The following TOX3 variants were observed in gnomAD, a reference collection of about 807,000 sequenced individuals.
TOX3 encodes the protein TOX high mobility group box family member 3.
Under a neutral mutation model 64.3 loss-of-function variants are expected in TOX3, and 22 were observed. The observed-to-expected ratio is 0.34, with a 90% CI of 0.24 to 0.49. The LOEUF (loss-of-function observed/expected upper bound fraction) is 0.49, where lower values mean the gene tolerates loss of function less well. Ranked by LOEUF, TOX3 falls within the 20% of genes least tolerant of loss-of-function variation. TOX3 has a pLI of 0.99. For missense variants in TOX3, 661 were observed against 714.4 expected (o/e 0.93, Z 0.85); for synonymous variants, 291 against 273.6 (o/e 1.06, Z -0.63).
chr16:52,546,832 T>G lies in TOX3; in HGVS notation c.-109A>C. On this transcript the variant is annotated 5_prime_UTR_variant, in exon 1 of 7. Coordinates refer to ENST00000219746, the MANE Select transcript of TOX3 (RefSeq NM_001080430.4). ...GTCGAGGGCGCCCGGGGGTGGCGCGTGGGACTCGCGGCCGGAGGGGCGCCG... is the reference window on the plus strand; with the variant it reads ...GTCGAGGGCGCCCGGGGGTGGCGCGGGGGACTCGCGGCCGGAGGGGCGCCG... The G allele has an allele frequency of 8.0e-7, 1 of 1,252,680 alleles. No individual in the cohort carries two copies. The highest frequency in any genetic ancestry group is 1.0e-6 in the Non-Finnish European group (1 of 999,140). The allele number at this position is 1,252,680 out of a possible 1,614,324, so 77.6% of individuals were successfully genotyped here. A position where few individuals can be genotyped will look rare whatever the true frequency, so the allele number is the denominator to read the frequency against.
chr16:52,531,558 A>G (rs1962851780), intron 1 of TOX3, among the ~76,000 whole-genome samples: 1 of 152,220 alleles, frequency 6.6e-6, no homozygotes, highest in Admixed American at 6.5e-5. Flanking sequence ...CTATGCATTT[A>G]TTGTATGGGT....
At chr16:52,480,649 C>T (rs1596811970) in intron 1 of TOX3, among the ~76,000 whole-genome samples, 1 of 152,334 alleles carries the variant, frequency 6.6e-6, no homozygotes. Flanking sequence ...ATAGTAAAAA[C>T]ATGTGCTCTC....
In TOX3 at chr16:52,444,301, G is replaced by A. The variant is rs2151741385; in HGVS notation, c.962C>T (p.Ala321Val). 6.3e-7 allele frequency: 1 copy of A among 1,586,954 alleles called. No homozygotes were observed. The highest frequency in any genetic ancestry group is 8.6e-7 in the Non-Finnish European group (1 of 1,164,508). Reference sequence around the variant, plus strand: ...CTTAGAAACGAGGCTGGCCCTGTATGCCGCCAGGGCCTTCAGGTATTCTTT... The same window carrying A: ...CTTAGAAACGAGGCTGGCCCTGTATACCGCCAGGGCCTTCAGGTATTCTTT... ...AKKEYLKALAAYRASLVSKAA... is the reference protein window; with the variant it reads ...AKKEYLKALAVYRASLVSKAA... Residue 321 changes from alanine (A) to valine (V), a missense_variant, in exon 6 of 7, where the codon GCA (alanine) becomes GTA (valine). Physicochemically the swap from Ala to Val is moderately conservative, Grantham distance 64. This residue lies in a region of TOX3 where 103 missense variants were observed against 161.2 expected (regional missense o/e 0.64). Transcript: ENST00000219746.
At chr16:52,486,057 A>G (rs1000605099) in intron 1 of TOX3, among the ~76,000 whole-genome samples, 1 of 152,202 alleles carries the variant, frequency 6.6e-6, no homozygotes, top group Non-Finnish European at 1.5e-5. Context: ...TCTGTCATTT[A>G]CCAGAAAAGT....
intron 1 of TOX3, among the ~76,000 whole-genome samples, chr16:52,513,328 T>C (rs149871507): frequency 1.9e-3 from 293 of 152,330 alleles, no homozygotes; most frequent in South Asian, 5.8e-3. Flanking sequence ...ATGTATGGTA[T>C]ATTCATCACA....
chr16:52,452,526 T>C (rs1960382992), intron 3 of TOX3, among the ~76,000 whole-genome samples: 1 of 151,618 alleles, frequency 6.6e-6, no homozygotes, highest in Admixed American at 6.6e-5. Context: ...TTTGCTATTG[T>C]TGTGGGGTGG....
rs761677560 is a variant in TOX3, at chr16:52,464,066, G to A, written c.276C>T (p.Ser92=). ...PDVLLPFQAL[S]DPLPSQGSEF... ...CACTTCCCTGGGAAGGCAATGGATC[G>A]CTGAGGGCTTGAAAGGGTAGCAGTA... Residue 92 remains serine, a synonymous_variant, in exon 3 of 7, where the codon AGC becomes AGT. Transcript: ENST00000219746. The A allele has an allele frequency of 6.2e-6, 10 of 1,603,840 alleles. No individual in the cohort carries two copies. Among genetic ancestry groups the A allele is most frequent in the Admixed American group, 1.7e-5 (1 of 57,984 alleles).
chr16:52,501,185 A>T (rs991155118), intron 1 of TOX3, among the ~76,000 whole-genome samples: 1 of 152,006 alleles, frequency 6.6e-6, no homozygotes, highest in Non-Finnish European at 1.5e-5. Context: ...CTACATGATG[A>T]TGATGCAGAC....
At chr16:52,524,111 T>C (rs1962671777) in intron 1 of TOX3, among the ~76,000 whole-genome samples, 1 of 152,240 alleles carries the variant, frequency 6.6e-6, no homozygotes, top group Non-Finnish European at 1.5e-5. Context: ...TAGAGCTGTT[T>C]ATCACAGTTG....
intron 1 of TOX3, among the ~76,000 whole-genome samples, chr16:52,529,410 C>G (rs1962800503): frequency 1.3e-5 from 2 of 152,004 alleles, no homozygotes; most frequent in South Asian, 4.2e-4. Context: ...GAATACTAGC[C>G]TGGACACTAT....
At position 52,439,953 on chromosome 16, in the gene TOX3, C is replaced by A; in HGVS notation, c.1003G>T (p.Ala335Ser). The change falls in exon 7 of 7, where the codon GCA (alanine) becomes TCA (serine). Residue 335 changes from alanine (A) to serine (S), a missense_variant. Physicochemically the swap from Ala to Ser is moderately conservative, Grantham distance 99 (BLOSUM62 1). Coordinates refer to ENST00000219746, the MANE Select transcript of TOX3 (RefSeq NM_001080430.4). ...ACAGAACGGATGGTCTGGGCTTCTG[C>A]TGACTCAGCAGCAGCCTGCATTTTG... ...SLVSKAAAES[A>S]EAQTIRSVQQ... The A allele has an allele frequency of 6.4e-7, 1 of 1,560,874 alleles. No homozygotes were observed. The highest frequency in any genetic ancestry group is 8.7e-7 in the Non-Finnish European group (1 of 1,152,266).
At chr16:52,451,843 A>T (rs1960360053) in intron 3 of TOX3, among the ~76,000 whole-genome samples, 2 of 152,146 alleles carry the variant, frequency 1.3e-5, no homozygotes, top group African/African-American at 4.8e-5. Flanking sequence ...ATGTGCATTG[A>T]CCTAGGGCAG....
At chr16:52,519,599 AAC>A in intron 1 of TOX3, 9 of 1,420,932 alleles carry the variant, frequency 6.3e-6, no homozygotes, top group African/African-American at 1.4e-5. Context: ...CGAAAAAAAA[AAC>A]AACATGGTTG....
chr16:52,493,423 T>C (rs1347635716), intron 1 of TOX3, among the ~76,000 whole-genome samples: 1 of 152,172 alleles, frequency 6.6e-6, no homozygotes, highest in East Asian at 1.9e-4. Flanking sequence ...AAAGTGGCAA[T>C]GGTGAATTCC....
At chr16:52,495,526 G>A (rs1466667215) in intron 1 of TOX3, among the ~76,000 whole-genome samples, 1 of 152,174 alleles carries the variant, frequency 6.6e-6, no homozygotes, top group Non-Finnish European at 1.5e-5. Context: ...CCTATTGGGG[G>A]AGTATTACTT....
intron 1 of TOX3, among the ~76,000 whole-genome samples, chr16:52,513,106 GA>G (rs1962354175): frequency 6.6e-6 from 1 of 152,088 alleles, no homozygotes; most frequent in African/African-American, 2.4e-5. Context: ...GGGAGCTTAA[GA>G]AAAAAGAAGT....
chr16:52,504,947 G>A (rs1346043600), intron 1 of TOX3, among the ~76,000 whole-genome samples: 1 of 152,102 alleles, frequency 6.6e-6, no homozygotes, highest in Non-Finnish European at 1.5e-5. Context: ...CGATTCTCCT[G>A]CCTCAGCCAC....
In TOX3 at chr16:52,525,807, T is replaced by C. The variant is rs576240873; in HGVS notation, c.87+20830A>G. ...TGCACTTTAATGGAAACCTGCCTAATGAACCCAAAAGGAAAACGATTAGGA... is the reference window on the plus strand; with the variant it reads ...TGCACTTTAATGGAAACCTGCCTAACGAACCCAAAAGGAAAACGATTAGGA... On this transcript the variant is annotated intron_variant, in intron 1 of 6. Transcript: ENST00000219746. 3.9e-5 allele frequency among the ~76,000 whole-genome samples: 6 copies of C among 152,286 alleles called. No homozygotes were observed. In the East Asian group the frequency reaches 1.2e-3, roughly 29 times the overall value.
At chr16:52,497,423 T>C (rs1476285854) in intron 1 of TOX3, among the ~76,000 whole-genome samples, 4 of 152,238 alleles carry the variant, frequency 2.6e-5, no homozygotes, top group Admixed American at 6.5e-5. Context: ...GCAGAGGTTA[T>C]TGTCTAATTT....
Sources: allele counts gnomAD v4.1 joint callset (sites outside exome capture counted in the v4.1 genomes callset), GRCh38; gene constraint gnomAD v4.1.1; regional missense constraint gnomAD v4.1.1; transcripts MANE v1.5; gene names NCBI Gene and HGNC (gene_info 2026-07-23, HGNC 2026-07-21).